The following CNGB3 variants were observed in gnomAD, a reference collection of about 807,000 sequenced individuals.
CNGB3 encodes cyclic nucleotide-gated channel beta-3.
In CNGB3, 86 loss-of-function variants were observed where a neutral mutation model predicts 92.8. The observed-to-expected ratio is 0.93, with a 90% confidence interval of 0.78 to 1.11. The LOEUF (loss-of-function observed/expected upper bound fraction) is 1.11, where lower values mean the gene tolerates loss of function less well. Ranked by LOEUF, CNGB3 falls within the 50% of genes least tolerant of loss-of-function variation. CNGB3 has a pLI of 0.00. For missense variants in CNGB3, 1,026 were observed against 956.8 expected, an observed-to-expected ratio of 1.07 and a Z score of -0.95; for synonymous variants, 333 against 332.7, an observed-to-expected ratio of 1.00 and a Z score of -0.01.
chr8:86,716,774 G>A (rs188827427), intron 3 of CNGB3, among the ~76,000 whole-genome samples: 26 of 152,212 alleles, frequency 1.7e-4, no homozygotes, highest in Admixed American at 1.7e-3. Context: ...CCTCCTTAAA[G>A]CATAAATCTC....
chr8:86,644,224 A>G (rs556144704), intron 9 of CNGB3, among the ~76,000 whole-genome samples: 1 of 151,552 alleles, frequency 6.6e-6, no homozygotes, highest in African/African-American at 2.4e-5. Context: ...TGAAAAGCTC[A>G]TGAGACTTTA....
rs533111246 is a variant in CNGB3, at chr8:86,600,776, A to ATTTTTTTTTTTTTTTT, written c.1781+3301_1781+3316dup. 2.9e-4 allele frequency among the ~76,000 whole-genome samples: 11 copies of ATTTTTTTTTTTTTTTT among 38,422 alleles called. 2 individuals carry two copies. The highest frequency in any genetic ancestry group is 1.0e-3 in the African/African-American group (11 of 10,768). The allele number at this position is 38,422 out of a possible 152,430, so 25.2% of individuals were successfully genotyped here. A position where few individuals can be genotyped will look rare whatever the true frequency, so the allele number is the denominator to read the frequency against. The stretch of plus-strand genomic sequence containing the variant: ...AGGTGCCCACCACCACGCTCGGCTA[A>ATTTTTTTTTTTTTTTT]TTTTTTTTTTTTTTTTTTTTTTTTT... On this transcript the variant is annotated intron_variant, in intron 15 of 17. Transcript: ENST00000320005.
intron 6 of CNGB3, chr8:86,659,680 G>A: frequency 4.6e-6 from 2 of 434,568 alleles, no homozygotes; most frequent in East Asian, 1.2e-4. Flanking sequence ...CTGCCTGGCA[G>A]CATGCTGAGT....
intron 7 of CNGB3, among the ~76,000 whole-genome samples, chr8:86,649,554 C>T (rs952997578): frequency 1.3e-5 from 2 of 151,480 alleles, no homozygotes; most frequent in African/African-American, 4.8e-5. Flanking sequence ...GGGGAAAGGA[C>T]ATCTTGTTTA....
At chr8:86,624,145 G>A (rs566618532) in intron 13 of CNGB3, among the ~76,000 whole-genome samples, 1 of 152,348 alleles carries the variant, frequency 6.6e-6, no homozygotes, top group Admixed American at 6.5e-5. Flanking sequence ...ATGACTGGGC[G>A]CAGTGGCTCA....
intron 10 of CNGB3, among the ~76,000 whole-genome samples, chr8:86,635,495 A>G (rs573083992): frequency 2.0e-5 from 3 of 151,260 alleles, no homozygotes; most frequent in African/African-American, 7.3e-5. Flanking sequence ...TCCAAATCTC[A>G]AGGGTTTGGC....
At position 86,614,231 on chromosome 8, in the gene CNGB3, C is replaced by T. The variant is rs541543389; in HGVS notation, c.1579-2560G>A. 1.1e-4 allele frequency among the ~76,000 whole-genome samples: 16 copies of T among 152,106 alleles called. No individual in the cohort carries two copies. The East Asian group carries it at 2.1e-3, about 20-fold the overall frequency. On this transcript the variant is annotated intron_variant, in intron 13 of 17. Coordinates refer to ENST00000320005, the MANE Select transcript of CNGB3 (RefSeq NM_019098.5). ...CTTTATACCACTGCCTCCTGGTGAC[C>T]ACCGCTCTATGGTACAGCTGGATGC...
Position 86,611,586 on chromosome 8 carries a change from A to C in CNGB3, c.1662+2T>G, listed in dbSNP as rs779134560. ...TGCATTTGAAAAATAGCATGCACTC[A>C]CCTTTTTGCAGACAAAGTCACCAGG... is the stretch of plus-strand genomic sequence containing the variant. On this transcript the variant is annotated splice_donor_variant, in intron 14 of 17. Transcript: ENST00000320005. LOFTEE classifies it high-confidence loss of function. 6.2e-7 allele frequency: 1 copy of C among 1,610,014 alleles called. No individual in the cohort carries two copies. Among genetic ancestry groups the C allele is most frequent in the East Asian group, 2.2e-5 (1 of 44,796 alleles).
chr8:86,603,106 A>G (rs971959951), intron 15 of CNGB3, among the ~76,000 whole-genome samples: 1 of 152,194 alleles, frequency 6.6e-6, no homozygotes, highest in Non-Finnish European at 1.5e-5. Context: ...ATCTCCCTAG[A>G]GAGGTCATTC....
chr8:86,647,102 A>G (rs888706729), intron 8 of CNGB3, among the ~76,000 whole-genome samples: 3 of 151,018 alleles, frequency 2.0e-5, no homozygotes, highest in Non-Finnish European at 4.5e-5. Context: ...TGTTCTATAA[A>G]CTGTTCTGTA....
At chr8:86,585,979 A>G (rs898942157) in intron 15 of CNGB3, among the ~76,000 whole-genome samples, 2 of 152,206 alleles carry the variant, frequency 1.3e-5, no homozygotes, top group African/African-American at 4.8e-5. Flanking sequence ...GAAACAAATA[A>G]TCTGTTTTAA....
At chr8:86,711,615 C>A (rs1488030456) in intron 3 of CNGB3, among the ~76,000 whole-genome samples, 1 of 152,080 alleles carries the variant, frequency 6.6e-6, no homozygotes, top group Non-Finnish European at 1.5e-5. Flanking sequence ...TATAGGCTGG[C>A]TCCTCTCTCA....
chr8:86,630,734 C>T (rs543192932), intron 11 of CNGB3, among the ~76,000 whole-genome samples: 52 of 152,122 alleles, frequency 3.4e-4, no homozygotes, highest in Non-Finnish European at 6.0e-4. Flanking sequence ...ATTAGCCAGG[C>T]ATGATGGCAC....
At chr8:86,630,736 T>C (rs554881887) in intron 11 of CNGB3, among the ~76,000 whole-genome samples, 1 of 152,138 alleles carries the variant, frequency 6.6e-6, no homozygotes, top group African/African-American at 2.4e-5. Context: ...TAGCCAGGCA[T>C]GATGGCACGC....
At chr8:86,584,571 C>CTTTTTTTTTTT (rs34030252) in intron 15 of CNGB3, among the ~76,000 whole-genome samples, 1 of 148,982 alleles carries the variant, frequency 6.7e-6, no homozygotes. Context: ...AAAATAGCAT[C>CTTTTTTTTTTT]TTTTTTTTTT....
chr8:86,607,735 C>T (rs1220429698), intron 14 of CNGB3, among the ~76,000 whole-genome samples: 2 of 152,118 alleles, frequency 1.3e-5, no homozygotes, highest in African/African-American at 2.4e-5. Context: ...TTCAACCAGC[C>T]CAAGCTACCA....
intron 3 of CNGB3, among the ~76,000 whole-genome samples, chr8:86,698,301 G>A (rs535404792): frequency 1.3e-5 from 2 of 152,116 alleles, no homozygotes; most frequent in African/African-American, 4.8e-5. Context: ...ATTTTCATCA[G>A]GGACAAATAA....
chr8:86,736,678 T>C (rs944965527), intron 2 of CNGB3, among the ~76,000 whole-genome samples: 1 of 152,170 alleles, frequency 6.6e-6, no homozygotes. Flanking sequence ...TTCAAGATTG[T>C]TGTATAGTCT....
chr8:86,679,805 C>T (rs1824045871), intron 3 of CNGB3, among the ~76,000 whole-genome samples: 1 of 152,174 alleles, frequency 6.6e-6, no homozygotes, highest in Non-Finnish European at 1.5e-5. Flanking sequence ...GGATTACAGG[C>T]ATGAGCCACC....
Sources: allele counts gnomAD v4.1 joint callset (sites outside exome capture counted in the v4.1 genomes callset), GRCh38; gene constraint gnomAD v4.1.1; transcripts MANE v1.5; gene names NCBI Gene and HGNC (gene_info 2026-07-23, HGNC 2026-07-21).